Variants in FOXN2 observed in about 807,000 individuals in gnomAD.
The protein encoded by FOXN2 is forkhead box N2.
In FOXN2, 19 loss-of-function variants were observed where a neutral mutation model predicts 41.2. The observed-to-expected ratio is 0.46, with a 90% CI of 0.32 to 0.68. The LOEUF (loss-of-function observed/expected upper bound fraction) is 0.68. Among genes scored for constraint, FOXN2 ranks in the 30% least tolerant of loss-of-function variants. The probability of loss-of-function intolerance (pLI) is 0.03; values close to 1 mark genes in which losing one functional copy is unlikely to be tolerated. For synonymous variants in FOXN2, 195 were observed against 176.8 expected, an observed-to-expected ratio of 1.10 and a Z score of -0.82; for missense variants, 587 against 509.4, an observed-to-expected ratio of 1.15 and a Z score of -1.47.
chr2:48,342,472 T>C (rs1670841107), intron 2 of FOXN2, among the ~76,000 whole-genome samples: 1 of 152,182 alleles, frequency 6.6e-6, no homozygotes, highest in African/African-American at 2.4e-5. Context: ...AAGAATGAAA[T>C]TTTTAATAAT....
intron 3 of FOXN2, among the ~76,000 whole-genome samples, chr2:48,357,182 G>C (rs1671848449): frequency 6.6e-6 from 1 of 152,148 alleles, no homozygotes. Flanking sequence ...ACTGTTACTT[G>C]AGACCATACT....
chr2:48,374,811 T>A, intron 6 of FOXN2, 109 bp from the exon 7 acceptor site: 1 of 884,928 alleles, frequency 1.1e-6, no homozygotes. Flanking sequence ...CTACAAAGCA[T>A]CATGAATCTA....
intron 3 of FOXN2, among the ~76,000 whole-genome samples, chr2:48,354,986 A>T (rs1362449128): frequency 3.3e-5 from 5 of 152,210 alleles, no homozygotes; most frequent in Admixed American, 6.5e-5. Context: ...CATTAATATG[A>T]CCATTCTTGA....
chr2:48,336,405 T>G (rs1670355021), intron 2 of FOXN2, among the ~76,000 whole-genome samples: 1 of 104,898 alleles, frequency 9.5e-6, no homozygotes, highest in African/African-American at 3.5e-5. Flanking sequence ...AAGCCTCAGT[T>G]TCCAAAAAAA....
intron 2 of FOXN2, chr2:48,340,596 A>G (rs924855739): frequency 8.5e-5 from 13 of 152,136 alleles, no homozygotes; most frequent in Non-Finnish European, 2.9e-5. Context: ...CAAGCTCTAG[A>G]TGGGTTCCAG....
At chr2:48,313,875 C>A (rs983103999), upstream of FOXN2, among the ~76,000 whole-genome samples, 8 of 152,098 alleles carry the variant, frequency 5.3e-5, no homozygotes, top group African/African-American at 1.9e-4. Flanking sequence ...AAAAAATCTC[C>A]ATTTTTCTGA....
At chr2:48,325,379 T>C (rs563001226) in intron 1 of FOXN2, among the ~76,000 whole-genome samples, 1 of 152,322 alleles carries the variant, frequency 6.6e-6, no homozygotes, top group Non-Finnish European at 1.5e-5. Flanking sequence ...GTTTTTTAAA[T>C]TTATGAAAGT....
At chr2:48,319,372 T>C (rs568367360) in intron 1 of FOXN2, among the ~76,000 whole-genome samples, 1 of 152,262 alleles carries the variant, frequency 6.6e-6, no homozygotes, top group East Asian at 1.9e-4. Context: ...AGAAGAGTGC[T>C]GCCATCCTAA....
chr2:48,347,533 TTGTGTGTG>T (rs113177559), intron 3 of FOXN2, among the ~76,000 whole-genome samples: 6 of 148,126 alleles, frequency 4.1e-5, no homozygotes, highest in South Asian at 4.3e-4. Flanking sequence ...AGCCGAGGTG[TTGTGTGTG>T]TGTGTGTGTG....
chr2:48,337,613 A>G (rs1366063146), intron 2 of FOXN2, among the ~76,000 whole-genome samples: 3 of 151,964 alleles, frequency 2.0e-5, no homozygotes, highest in Non-Finnish European at 2.9e-5. Flanking sequence ...GCCTGATCTC[A>G]TTCTTTTTCG....
At chr2:48,342,238 C>T (rs1670824797) in intron 2 of FOXN2, among the ~76,000 whole-genome samples, 1 of 152,028 alleles carries the variant, frequency 6.6e-6, no homozygotes, top group South Asian at 2.1e-4. Context: ...TTCTTCAAGT[C>T]AGTAATTTTT....
intron 3 of FOXN2, among the ~76,000 whole-genome samples, chr2:48,346,998 T>C (rs1671147636): frequency 6.6e-6 from 1 of 152,160 alleles, no homozygotes; most frequent in Non-Finnish European, 1.5e-5. Context: ...TTTTAGTTCT[T>C]TGTTTCTAGT....
intron 2 of FOXN2, among the ~76,000 whole-genome samples, chr2:48,336,045 TAA>T (rs1365949152): frequency 2.8e-4 from 41 of 144,206 alleles, no homozygotes; most frequent in African/African-American, 9.6e-4. Flanking sequence ...AAAAAAATAA[TAA>T]AATAAAAAAT....
intron 3 of FOXN2, among the ~76,000 whole-genome samples, chr2:48,347,511 G>T (rs1380710894): frequency 6.6e-6 from 1 of 151,562 alleles, no homozygotes; most frequent in African/African-American, 2.4e-5. Flanking sequence ...ACAAGTGTGA[G>T]CCACTGTGCC....
chr2:48,371,443 CTCTATTCTGT>C, intron 5 of FOXN2, among the ~76,000 whole-genome samples: 2 of 152,042 alleles, frequency 1.3e-5, no homozygotes, highest in Middle Eastern at 6.8e-3. Flanking sequence ...TGTCCAGGTT[CTCTATTCTGT>C]TCCATTGGTC....
At chr2:48,371,797 AT>A (rs2104528975) in intron 5 of FOXN2, among the ~76,000 whole-genome samples, 1 of 152,120 alleles carries the variant, frequency 6.6e-6, no homozygotes, top group Non-Finnish European at 1.5e-5. Context: ...TTTTGTAGCT[AT>A]TGTGAATGAG....
Position 48,375,190 on chromosome 2 carries a change from A to C in FOXN2, c.1043A>C (p.His348Pro). Reference sequence around the variant, plus strand: ...GGAAGTGATGGCAGTGAAGGATTTCACAGTGAAGAAGATACAGACGTTGAT... The same window carrying C: ...GGAAGTGATGGCAGTGAAGGATTTCCCAGTGAAGAAGATACAGACGTTGAT... ...HVGSDGSEGFHSEEDTDVDYE... is the reference protein window; with the variant it reads ...HVGSDGSEGFPSEEDTDVDYE... The change falls in exon 7 of 7, where the codon CAC (histidine) becomes CCC (proline). Residue 348 changes from histidine to proline, a missense_variant. Coordinates refer to ENST00000340553, the MANE Select transcript of FOXN2 (RefSeq NM_002158.4). 1.2e-6 allele frequency: 2 copies of C among 1,614,182 alleles called. No individual in the cohort carries two copies. Among genetic ancestry groups the C allele is most frequent in the Non-Finnish European group, 8.5e-7 (1 of 1,180,018 alleles).
At chr2:48,361,313 A>T (rs972638832) in intron 4 of FOXN2, among the ~76,000 whole-genome samples, 2 of 152,064 alleles carry the variant, frequency 1.3e-5, no homozygotes, top group Non-Finnish European at 2.9e-5. Context: ...CAAAAATACA[A>T]AAGTCAGCTG....
chr2:48,366,285 G>A (rs575561562), intron 5 of FOXN2, among the ~76,000 whole-genome samples: 49 of 151,934 alleles, frequency 3.2e-4, no homozygotes, highest in African/African-American at 1.2e-3. Flanking sequence ...CTTGAACTTG[G>A]GAGGTGGAGA....
Sources: gnomAD v4.1 joint callset for allele counts (sites outside exome capture counted in the v4.1 genomes callset) on GRCh38, gnomAD v4.1.1 for gene constraint, MANE v1.5 for transcripts, NCBI Gene and HGNC (gene_info 2026-07-23, HGNC 2026-07-21) for gene names.